The following RERG variants were observed in gnomAD, a reference collection of about 807,000 sequenced individuals.
The protein encoded by RERG is RAS like estrogen regulated growth inhibitor.
A neutral mutation model predicts 23.2 loss-of-function variants in RERG; 25 were observed. That is an observed-to-expected ratio of 1.08 (90% CI 0.79 to 1.50). The LOEUF (loss-of-function observed/expected upper bound fraction) is 1.50. Ranked by LOEUF, RERG falls within the 40% of genes most tolerant of loss-of-function variation. The pLI is 0.00. For missense variants in RERG, 253 were observed against 250.1 expected (o/e 1.01, Z -0.08); for synonymous variants, 81 against 89.1 (o/e 0.91, Z 0.51).
rs146877413 is a variant in RERG at position 15,174,120 on chromosome 12, C to T, written c.61+43309G>A. 3.0e-3 allele frequency among the ~76,000 whole-genome samples: 452 copies of T among 152,094 alleles called. 3 individuals are homozygous for T. The highest frequency in any genetic ancestry group is 0.01 in the African/African-American group (417 of 41,530). On this transcript the variant is annotated intron_variant, in intron 2 of 4. Transcript: ENST00000256953. ...AAGGCAGTCTTGATAGAGACAAATT[C>T]TCTCAGTTTCTGTTTGTCTGGTAGT...
intron 2 of RERG, among the ~76,000 whole-genome samples, chr12:15,214,250 T>TA (rs1301653688): frequency 6.6e-6 from 1 of 152,206 alleles, no homozygotes; most frequent in Admixed American, 6.5e-5. Flanking sequence ...TCAATCCTAG[T>TA]AACAACTGAG....
intron 2 of RERG, among the ~76,000 whole-genome samples, chr12:15,189,538 A>T (rs1168552143): frequency 6.6e-6 from 1 of 152,134 alleles, no homozygotes; most frequent in Admixed American, 6.6e-5. Flanking sequence ...AGTTTTCCCC[A>T]TTATAGCTAT....
intron 3 of RERG, among the ~76,000 whole-genome samples, chr12:15,113,057 C>T (rs905843383): frequency 2.0e-5 from 3 of 152,158 alleles, no homozygotes; most frequent in African/African-American, 4.8e-5. Flanking sequence ...GAATTCAAGA[C>T]GTCCATCAAA....
At chr12:15,130,572 AC>A (rs1297181258) in intron 2 of RERG, among the ~76,000 whole-genome samples, 1 of 152,122 alleles carries the variant, frequency 6.6e-6, no homozygotes, top group African/African-American at 2.4e-5. Flanking sequence ...GAAAAAAAAA[AC>A]CATTTGGCTT....
chr12:15,113,475 ATAAAAT>A (rs1396008002), intron 3 of RERG, among the ~76,000 whole-genome samples: 1 of 152,100 alleles, frequency 6.6e-6, no homozygotes, highest in African/African-American at 2.4e-5. Flanking sequence ...TGAAATAAAA[ATAAAAT>A]AATACGAAGT....
At chr12:15,110,145 T>C (rs549033063) in intron 4 of RERG, among the ~76,000 whole-genome samples, 3 of 152,208 alleles carry the variant, frequency 2.0e-5, no homozygotes, top group Admixed American at 1.3e-4. Flanking sequence ...AGAAACTCTA[T>C]TGAAGGGATT....
At chr12:15,136,732 T>C (rs1591642389) in intron 2 of RERG, among the ~76,000 whole-genome samples, 1 of 152,078 alleles carries the variant, frequency 6.6e-6, no homozygotes, top group East Asian at 1.9e-4. Context: ...TGTTGATTTC[T>C]AGCTTAATTC....
intron 3 of RERG, chr12:15,114,848 G>A (rs1459239878): frequency 1.3e-5 from 2 of 152,272 alleles, no homozygotes; most frequent in South Asian, 4.1e-4. Flanking sequence ...CAGACCTATG[G>A]GCAATCTGTG....
chr12:15,154,348 C>T (rs1327917915), intron 2 of RERG: 1 of 152,170 alleles, frequency 6.6e-6, no homozygotes, highest in African/African-American at 2.4e-5. Flanking sequence ...AAGGCAAGTT[C>T]CTTTTAAAGT....
At chr12:15,161,440 A>C (rs1236767458) in intron 2 of RERG, among the ~76,000 whole-genome samples, 1 of 152,196 alleles carries the variant, frequency 6.6e-6, no homozygotes, top group African/African-American at 2.4e-5. Flanking sequence ...TGTACAGTGC[A>C]CAGACCTGTT....
intron 3 of RERG, among the ~76,000 whole-genome samples, chr12:15,119,586 A>G (rs1863795220): frequency 6.6e-6 from 1 of 152,132 alleles, no homozygotes; most frequent in Non-Finnish European, 1.5e-5. Flanking sequence ...ATAAAGAATA[A>G]TTTTTTTAAA....
intron 2 of RERG, among the ~76,000 whole-genome samples, chr12:15,212,347 C>A (rs7954080): frequency 0.065 from 9,903 of 151,832 alleles, 966 homozygotes; most frequent in African/African-American, 0.21. Context: ...GCGTGAGCCA[C>A]CGCGCCCGGC....
At chr12:15,154,155 C>T (rs184324179) in intron 2 of RERG, 1 of 152,198 alleles carries the variant, frequency 6.6e-6, no homozygotes, top group Admixed American at 6.5e-5. Flanking sequence ...TTAAGCCCCC[C>T]AGCTTGTGGT....
chr12:15,123,022 C>A (rs1863864543), intron 2 of RERG, among the ~76,000 whole-genome samples: 1 of 152,108 alleles, frequency 6.6e-6, no homozygotes, highest in East Asian at 1.9e-4. Flanking sequence ...TGGTCTCAAT[C>A]TCCTGACCTC....
At chr12:15,137,720 T>C (rs1474996141) in intron 2 of RERG, 2 of 314,746 alleles carry the variant, frequency 6.4e-6, no homozygotes, top group African/African-American at 4.3e-5. Flanking sequence ...TTGTCATTCA[T>C]TCAACTTATA....
intron 2 of RERG, among the ~76,000 whole-genome samples, chr12:15,155,744 A>C (rs889411133): frequency 3.3e-5 from 5 of 152,154 alleles, no homozygotes; most frequent in African/African-American, 1.2e-4. Flanking sequence ...GAAAACAGCC[A>C]GTTGTTAAGC....
chr12:15,213,460 G>C (rs1865396478), intron 2 of RERG, among the ~76,000 whole-genome samples: 1 of 152,176 alleles, frequency 6.6e-6, no homozygotes, highest in Non-Finnish European at 1.5e-5. Context: ...AGAAAAGATA[G>C]AAAGGGCTGG....
intron 2 of RERG, among the ~76,000 whole-genome samples, chr12:15,171,141 G>A (rs1565527464): frequency 6.6e-6 from 1 of 152,208 alleles, no homozygotes; most frequent in Non-Finnish European, 1.5e-5. Flanking sequence ...CATGTGCTGA[G>A]GGATGTGTGC....
intron 2 of RERG, among the ~76,000 whole-genome samples, chr12:15,150,079 G>A (rs1864413331): frequency 1.3e-5 from 2 of 152,154 alleles, no homozygotes; most frequent in South Asian, 2.1e-4. Context: ...CGGGGAGGGA[G>A]AGTAGGTACA....
Sources: gnomAD v4.1 joint callset for allele counts (sites outside exome capture counted in the v4.1 genomes callset) on GRCh38, gnomAD v4.1.1 for gene constraint, MANE v1.5 for transcripts, NCBI Gene and HGNC (gene_info 2026-07-23, HGNC 2026-07-21) for gene names.